The following ALKBH3 variants were observed in gnomAD, a reference collection of about 807,000 sequenced individuals.
The protein encoded by ALKBH3 is alkB homolog 3, alpha-ketoglutarate dependent dioxygenase, also known as alpha-ketoglutarate-dependent dioxygenase alkB homolog 3.
Under a neutral mutation model 43.9 loss-of-function variants are expected in ALKBH3, and 51 were observed. The ratio of observed to expected loss-of-function variants is 1.16; its 90% confidence interval spans 0.93 to 1.47. The LOEUF (loss-of-function observed/expected upper bound fraction) is 1.47. Ranked by LOEUF, ALKBH3 falls within the 40% of genes most tolerant of loss-of-function variation. The probability of loss-of-function intolerance (pLI) is 0.00; values close to 1 mark genes in which losing one functional copy is unlikely to be tolerated. For missense variants in ALKBH3, 361 were observed against 351.9 expected, an observed-to-expected ratio of 1.03 and a Z score of -0.21; for synonymous variants, 102 against 115.2, an observed-to-expected ratio of 0.89 and a Z score of 0.73.
rs935402165 is a variant in ALKBH3, at chr11:43,886,586, T to G, written c.219-20T>G. 4 of 1,613,788 alleles carry G rather than the reference T, an allele frequency of 2.5e-6. No homozygotes were observed. In the Admixed American group the frequency reaches 6.7e-5, roughly 27 times the overall value. Reference sequence around the variant, plus strand: ...TTGTTTTGCCTCAAACTAACAAGTCTGTTTCCTTTGTTTCTTTAGCAGAGA... The same window carrying G: ...TTGTTTTGCCTCAAACTAACAAGTCGGTTTCCTTTGTTTCTTTAGCAGAGA... On this transcript the variant is annotated intron_variant, in intron 4 of 9. Transcript: ENST00000302708.
intron 7 of ALKBH3, chr11:43,898,039 A>G (rs760213311): frequency 5.4e-6 from 5 of 917,874 alleles, no homozygotes; most frequent in Non-Finnish European, 7.3e-6. Context: ...AGCAGCGTCC[A>G]TGGCTGTTGT....
At chr11:43,897,048 C>A (rs1343003021) in intron 7 of ALKBH3, 1 of 359,026 alleles carries the variant, frequency 2.8e-6, no homozygotes, top group African/African-American at 2.1e-5. Flanking sequence ...CTCAAGCGAT[C>A]CTCCTGCCTC....
chr11:43,918,543 A>T (rs1952001537), intron 8 of ALKBH3, among the ~76,000 whole-genome samples: 1 of 152,254 alleles, frequency 6.6e-6, no homozygotes, highest in East Asian at 1.9e-4. Context: ...TTAGTAAATT[A>T]GCATACATTG....
chr11:43,898,119 C>T (rs1951832755), intron 7 of ALKBH3: 56 of 1,126,478 alleles, frequency 5.0e-5, no homozygotes, highest in South Asian at 3.8e-5. Flanking sequence ...CACCTGAGCC[C>T]GTGGTGGGCA....
intron 6 of ALKBH3, among the ~76,000 whole-genome samples, chr11:43,891,432 T>C (rs1266352406): frequency 7.2e-5 from 11 of 152,200 alleles, no homozygotes. Flanking sequence ...GAGTATTAGC[T>C]GCTGCTATTA....
chr11:43,882,430 G>T, intron 1 of ALKBH3, 153 bp from the exon 2 acceptor site: 2 of 428,492 alleles, frequency 4.7e-6, no homozygotes, highest in Non-Finnish European at 4.1e-6. Context: ...AAATGACTAG[G>T]CTTCTTGAAT....
At chr11:43,906,825 C>A (rs1951899317) in intron 8 of ALKBH3, among the ~76,000 whole-genome samples, 1 of 152,158 alleles carries the variant, frequency 6.6e-6, no homozygotes, top group Non-Finnish European at 1.5e-5. Context: ...CTGTTTCTAT[C>A]CCTGATGTTG....
At chr11:43,918,855 G>A (rs1256126973) in intron 8 of ALKBH3, 183 bp from the exon 9 acceptor site, 7 of 558,918 alleles carry the variant, frequency 1.3e-5, no homozygotes, top group African/African-American at 1.9e-5. Context: ...AAATGAGTAA[G>A]TCAGGGTACA....
At chr11:43,918,869 A>G in intron 8 of ALKBH3, 169 bp from the exon 9 acceptor site, 1 of 593,712 alleles carries the variant, frequency 1.7e-6, no homozygotes, top group Non-Finnish European at 3.0e-6. Context: ...GGGTACAGAG[A>G]GATGAGGTAA....
intron 8 of ALKBH3, among the ~76,000 whole-genome samples, chr11:43,908,162 AG>A (rs1951909465): frequency 6.6e-6 from 1 of 152,186 alleles, no homozygotes; most frequent in Non-Finnish European, 1.5e-5. Flanking sequence ...TCCACCTGAG[AG>A]GGTTTCAGGG....
At chr11:43,882,899 G>C in intron 2 of ALKBH3, 168 bp downstream of exon 2, 2 of 859,152 alleles carry the variant, frequency 2.3e-6, no homozygotes, top group South Asian at 3.7e-5. Context: ...GCTAAGGGTG[G>C]GTCTTTAATG....
intron 7 of ALKBH3, among the ~76,000 whole-genome samples, chr11:43,896,942 A>T (rs1489404053): frequency 1.3e-5 from 2 of 148,616 alleles, no homozygotes; most frequent in Non-Finnish European, 3.0e-5. Context: ...TATTTAAAGC[A>T]TTTTTTTTTT....
chr11:43,899,646 C>T (rs1351369889), intron 7 of ALKBH3: 2 of 468,986 alleles, frequency 4.3e-6, no homozygotes, highest in Non-Finnish European at 7.9e-6. Flanking sequence ...CGAGCAGAGA[C>T]ATTGTATGGA....
intron 5 of ALKBH3, among the ~76,000 whole-genome samples, chr11:43,888,386 A>C (rs917087514): frequency 6.6e-6 from 1 of 152,134 alleles, no homozygotes; most frequent in South Asian, 2.1e-4. Flanking sequence ...TACAGGCGTA[A>C]GCCACCATAC....
At chr11:43,898,104 C>A (rs1951832559) in intron 7 of ALKBH3, 2 of 1,071,196 alleles carry the variant, frequency 1.9e-6, no homozygotes, top group Admixed American at 1.7e-5. Context: ...TCAGCAGCCC[C>A]AGTGCACCTG....
chr11:43,882,726 A>T lies in ALKBH3; in HGVS notation c.74A>T (p.Gln25Leu). 3 of 1,611,628 alleles carry T rather than the reference A, an allele frequency of 1.9e-6. 1 individual carries two copies. In the South Asian group the frequency reaches 3.3e-5, roughly 18 times the overall value. ...AAPVKSQAIA[Q>L]PATTAKSHLH... ...CCTGTTAAAAGCCAGGCCATTGCTC[A>T]GCCAGGCAAGAATCTGTAGGGATTT... Residue 25 changes from glutamine to leucine, a missense_variant, in exon 2 of 10, where the codon CAG becomes CTG. Gln to Leu is a moderately radical substitution (Grantham distance 113, BLOSUM62 -2). Coordinates refer to ENST00000302708, the MANE Select transcript of ALKBH3 (RefSeq NM_139178.4).
At chr11:43,882,208 C>T (rs1202635472) in intron 1 of ALKBH3, among the ~76,000 whole-genome samples, 2 of 152,154 alleles carry the variant, frequency 1.3e-5, no homozygotes, top group African/African-American at 4.8e-5. Context: ...GGAATATATG[C>T]TTGGAAACAG....
chr11:43,918,972 T>C, intron 8 of ALKBH3, 66 bp from the exon 9 acceptor site: 1 of 1,295,698 alleles, frequency 7.7e-7, no homozygotes, highest in Non-Finnish European at 1.1e-6. Context: ...TTTTGACCTC[T>C]GTCAGGTTCT....
At chr11:43,911,252 G>A (rs1036846966) in intron 8 of ALKBH3, among the ~76,000 whole-genome samples, 1 of 152,190 alleles carries the variant, frequency 6.6e-6, no homozygotes, top group Non-Finnish European at 1.5e-5. Context: ...TAATGGGTTT[G>A]AGGTATATTT....
Sources: allele counts gnomAD v4.1 joint callset (sites outside exome capture counted in the v4.1 genomes callset), GRCh38; gene constraint gnomAD v4.1.1; transcripts MANE v1.5; gene names NCBI Gene and HGNC (gene_info 2026-07-23, HGNC 2026-07-21).